Variants in AGBL1 observed in about 807,000 individuals in gnomAD.
The protein encoded by AGBL1 is cytosolic carboxypeptidase 4.
A neutral mutation model predicts 118.9 loss-of-function variants in AGBL1; 130 were observed. That is an observed-to-expected ratio of 1.09 (90% confidence interval 0.95 to 1.26). The LOEUF (loss-of-function observed/expected upper bound fraction) is 1.26, where lower values mean the gene tolerates loss of function less well. Among genes scored for constraint, AGBL1 ranks in the 50% most tolerant of loss-of-function variants. AGBL1 has a pLI of 0.00. For missense variants in AGBL1, 1,584 were observed against 1,298.1 expected (o/e 1.22, Z -3.38); for synonymous variants, 555 against 478.9 (o/e 1.16, Z -2.08).
chr15:86,682,906 C>T (rs1457423672), intron 22 of AGBL1, among the ~76,000 whole-genome samples: 2 of 152,034 alleles, frequency 1.3e-5, no homozygotes, highest in Non-Finnish European at 2.9e-5. Context: ...ATTAACATTC[C>T]CTTTTTACCA....
chr15:86,742,441 T>C (rs1254504122), intron 22 of AGBL1, among the ~76,000 whole-genome samples: 1 of 152,220 alleles, frequency 6.6e-6, no homozygotes, highest in African/African-American at 2.4e-5. Flanking sequence ...TCTGTTAATC[T>C]GACCTTATCC....
At chr15:86,526,203 A>T (rs2083260057) in intron 19 of AGBL1, among the ~76,000 whole-genome samples, 1 of 151,740 alleles carries the variant, frequency 6.6e-6, no homozygotes, top group African/African-American at 2.4e-5. Context: ...TTTTTAAAAG[A>T]TCAAAAACAA....
At chr15:86,203,247 T>C (rs2077936328) in intron 5 of AGBL1, among the ~76,000 whole-genome samples, 1 of 152,178 alleles carries the variant, frequency 6.6e-6, no homozygotes, top group Admixed American at 6.5e-5. Flanking sequence ...TTTGAAAATC[T>C]AAGATCAACA....
chr15:86,743,974 T>A (rs1202333692), intron 22 of AGBL1, among the ~76,000 whole-genome samples: 1 of 152,072 alleles, frequency 6.6e-6, no homozygotes, highest in Non-Finnish European at 1.5e-5. Context: ...GTAAAATAAA[T>A]CATAATTTTC....
At position 86,259,560 on chromosome 15, in the gene AGBL1, A is replaced by T. The variant is rs78013230; in HGVS notation, c.969+1529A>T. The stretch of plus-strand genomic sequence containing the variant: ...GTCATGATAATCACTCACCCTGCTG[A>T]TGGTAGTAGCAGACATACAGGGACT... On this transcript the variant is annotated intron_variant, in intron 9 of 22. Coordinates refer to ENST00000614907, the MANE Select transcript of AGBL1 (RefSeq NM_001386094.1). Among the ~76,000 whole-genome samples, 3 of 152,244 alleles carry T rather than the reference A, an allele frequency of 2.0e-5. No homozygotes were observed. The South Asian group carries it at 6.2e-4, about 32-fold the overall frequency.
At position 86,979,501 on chromosome 15, in the gene AGBL1, G is replaced by C. The variant is rs904323941; in HGVS notation, c.3222-8486G>C. 5.7e-5 allele frequency among the ~76,000 whole-genome samples: 8 copies of C among 140,268 alleles called. No individual in the cohort carries two copies. In the East Asian group the frequency reaches 7.8e-4, roughly 14 times the overall value. 92.0% of individuals were successfully genotyped at this position (140,268 alleles called of 152,430 possible). A position where few individuals can be genotyped will look rare whatever the true frequency, so the allele number is the denominator to read the frequency against. ...TCTTTTTTTCTTTCTTTTTTTTGGCGGGGGGGAGATGGTGTCTCCCTCTGT... is the reference window on the plus strand; with the variant it reads ...TCTTTTTTTCTTTCTTTTTTTTGGCCGGGGGGAGATGGTGTCTCCCTCTGT... On this transcript the variant is annotated intron_variant, in intron 23 of 24. Transcript: ENST00000441037.
At chr15:86,867,774 A>T (rs1442354649) in intron 22 of AGBL1, among the ~76,000 whole-genome samples, 1 of 152,226 alleles carries the variant, frequency 6.6e-6, no homozygotes, top group East Asian at 1.9e-4. Context: ...AGGGAAATCA[A>T]TTAGCAGCTG....
intron 22 of AGBL1, among the ~76,000 whole-genome samples, chr15:86,707,670 C>T (rs12911331): frequency 4.6e-5 from 7 of 151,956 alleles, no homozygotes; most frequent in Non-Finnish European, 1.0e-4. Context: ...AATAAAAATC[C>T]TTTTTTCTGG....
At chr15:86,264,234 T>C (rs2079035770) in intron 10 of AGBL1, 24 bp from the exon 11 acceptor site, 2 of 1,515,642 alleles carry the variant, frequency 1.3e-6, no homozygotes, top group Non-Finnish European at 1.8e-6. Context: ...CACTAACATA[T>C]TGTATTCCAT....
intron 18 of AGBL1, among the ~76,000 whole-genome samples, chr15:86,493,796 C>T (rs985371846): frequency 5.9e-5 from 9 of 151,976 alleles, no homozygotes; most frequent in Non-Finnish European, 1.3e-4. Flanking sequence ...TGGTCTTCCA[C>T]GAAAGAAAGC....
intron 5 of AGBL1, among the ~76,000 whole-genome samples, chr15:86,210,714 T>C (rs552937144): frequency 3.9e-5 from 6 of 152,270 alleles, no homozygotes; most frequent in East Asian, 1.9e-4. Flanking sequence ...TAGCCATTCG[T>C]CTAATCTTTT....
chr15:86,358,275 A>G (rs528002891), intron 17 of AGBL1, among the ~76,000 whole-genome samples: 1 of 152,146 alleles, frequency 6.6e-6, no homozygotes, highest in African/African-American at 2.4e-5. Flanking sequence ...AAGTAAGATC[A>G]TGCAGTATTT....
At chr15:86,359,600 A>T (rs2080774098) in intron 17 of AGBL1, among the ~76,000 whole-genome samples, 1 of 151,328 alleles carries the variant, frequency 6.6e-6, no homozygotes, top group African/African-American at 2.4e-5. Context: ...TGGGGTTTTG[A>T]CAAGGATTGC....
At chr15:86,661,711 C>T (rs762763727) in intron 21 of AGBL1, among the ~76,000 whole-genome samples, 2 of 152,000 alleles carry the variant, frequency 1.3e-5, no homozygotes, top group Non-Finnish European at 2.9e-5. Flanking sequence ...CAAACAGTCC[C>T]CAGATAAACT....
At chr15:86,860,917 C>A (rs140799495) in intron 22 of AGBL1, among the ~76,000 whole-genome samples, 231 of 152,208 alleles carry the variant, frequency 1.5e-3, no homozygotes, top group African/African-American at 5.3e-3. Context: ...TACCCCTTGG[C>A]TTCTGGCTGC....
chr15:86,859,699 C>A (rs1163894012), intron 22 of AGBL1, among the ~76,000 whole-genome samples: 1 of 152,124 alleles, frequency 6.6e-6, no homozygotes, highest in African/African-American at 2.4e-5. Context: ...CCTTAGAAAT[C>A]ATGAAGGAGA....
chr15:86,679,208 A>G (rs1185204309), intron 22 of AGBL1, among the ~76,000 whole-genome samples: 1 of 151,994 alleles, frequency 6.6e-6, no homozygotes, highest in Non-Finnish European at 1.5e-5. Flanking sequence ...AAAATCTGAT[A>G]TTTTTATTTA....
At chr15:86,667,611 C>T (rs1000425175) in intron 21 of AGBL1, among the ~76,000 whole-genome samples, 1 of 151,950 alleles carries the variant, frequency 6.6e-6, no homozygotes, top group Non-Finnish European at 1.5e-5. Flanking sequence ...ATTTCAAATA[C>T]TTGGAGATCC....
intron 5 of AGBL1, among the ~76,000 whole-genome samples, chr15:86,166,844 C>T (rs1164703171): frequency 2.6e-5 from 4 of 152,266 alleles, no homozygotes; most frequent in Non-Finnish European, 4.4e-5. Flanking sequence ...ACAAACCTCC[C>T]TTGGTCCTTC....
Sources: allele counts gnomAD v4.1 joint callset (sites outside exome capture counted in the v4.1 genomes callset), GRCh38; gene constraint gnomAD v4.1.1; transcripts MANE v1.5; gene names NCBI Gene and HGNC (gene_info 2026-07-23, HGNC 2026-07-21).